C1orf198: variants seen among roughly 807,000 people sequenced by gnomAD.
C1orf198 encodes chromosome 1 open reading frame 198, also known as uncharacterized protein C1orf198.
In C1orf198, 17 loss-of-function variants were observed where a neutral mutation model predicts 31.4. That is an observed-to-expected ratio of 0.54 (90% CI 0.37 to 0.81). C1orf198 has a LOEUF of 0.81. Among genes scored for constraint, C1orf198 ranks in the 40% least tolerant of loss-of-function variants. The pLI, the probability that C1orf198 is intolerant of heterozygous loss-of-function variation, is 0.00. For missense variants in C1orf198, 401 were observed against 450.3 expected (o/e 0.89, Z 0.99); for synonymous variants, 175 against 193.8 (o/e 0.90, Z 0.81).
Position 230,843,376 on chromosome 1 carries a change from A to G in C1orf198, c.905T>C (p.Phe302Ser). 5 of 1,557,190 alleles carry G rather than the reference A, an allele frequency of 3.2e-6. No individual in the cohort carries two copies. The highest frequency in any genetic ancestry group is 4.3e-6 in the Non-Finnish European group (5 of 1,150,028). ...VRQDDGEDTL[F>S]SEPKFAQVSS... ...CACCTGTGCAAACTTGGGTTCCGAGAACAGGGTGTCTTCCCCATCGTCCTG... is the reference window on the plus strand; with the variant it reads ...CACCTGTGCAAACTTGGGTTCCGAGGACAGGGTGTCTTCCCCATCGTCCTG... The change falls in exon 3 of 4, where the codon TTC becomes TCC. Residue 302 changes from phenylalanine to serine, a missense_variant. Phe to Ser is a radical substitution (Grantham distance 155). Coordinates refer to ENST00000366663, the MANE Select transcript of C1orf198 (RefSeq NM_032800.3). The surrounding 1 kb of genome is among the most constrained non-coding windows in gnomAD (Gnocchi z 4.9).
intron 2 of C1orf198, among the ~76,000 whole-genome samples, chr1:230,850,213 G>T (rs1266752553): frequency 6.6e-6 from 1 of 152,212 alleles, no homozygotes; most frequent in South Asian, 2.1e-4. Flanking sequence ...ACGGTAACAG[G>T]GAAGAGGGTA....
chr1:230,862,683 A>G (rs542394864), intron 1 of C1orf198, among the ~76,000 whole-genome samples: 1 of 152,338 alleles, frequency 6.6e-6, no homozygotes, highest in East Asian at 1.9e-4. Context: ...GACAGTTAAA[A>G]TATCGTTGGT....
intron 2 of C1orf198, among the ~76,000 whole-genome samples, chr1:230,852,815 G>A (rs1392531342): frequency 6.6e-6 from 1 of 152,198 alleles, no homozygotes; most frequent in Non-Finnish European, 1.5e-5. Flanking sequence ...TAAAATGGGT[G>A]CAAACTCTCT....
rs1410737508 is a variant in C1orf198 at position 230,837,950 on chromosome 1, G to A, written c.*1902C>T. On this transcript the variant is annotated 3_prime_UTR_variant, in exon 4 of 4. Transcript: ENST00000366663. ...AATTAGAATTTCTCCCAATAGAAGA[G>A]GCAGATCACCTTGGCCTACTCTCTA... 6.6e-6 allele frequency: 1 copy of A among 152,212 alleles called. No homozygotes were observed. The highest frequency in any genetic ancestry group is 2.1e-4 in the South Asian group (1 of 4,832). 9.4% of individuals were successfully genotyped at this position (152,212 alleles called of 1,614,324 possible).
intron 2 of C1orf198, among the ~76,000 whole-genome samples, chr1:230,852,454 G>A (rs1311962517): frequency 6.6e-6 from 1 of 152,222 alleles, no homozygotes; most frequent in Non-Finnish European, 1.5e-5. Context: ...TGCAAGATGA[G>A]TTCTGGAGGT....
chr1:230,866,816 G>T (rs191729235), intron 1 of C1orf198, among the ~76,000 whole-genome samples: 1 of 152,106 alleles, frequency 6.6e-6, no homozygotes, highest in African/African-American at 2.4e-5. Flanking sequence ...TCAGCTCTAG[G>T]AATACATTTT....
At chr1:230,869,571 G>A (rs1204563863), upstream of C1orf198, 1 of 152,208 alleles carries the variant, frequency 6.6e-6, no homozygotes, top group African/African-American at 2.4e-5. Context: ...TCTTTGCCTG[G>A]ATAGTTCTGA....
rs375958334 is a variant in C1orf198 at position 230,839,831 on chromosome 1, A to G, written c.*21T>C. 22 of 1,605,452 alleles carry G rather than the reference A, an allele frequency of 1.4e-5. No homozygotes were observed. In the African/African-American group the frequency reaches 1.7e-4, roughly 13 times the overall value. ...TTTGGAAAACATTTTAGGGTTCTTC[A>G]TTGTATTTTTCTAATACATTTTACC... is the stretch of plus-strand genomic sequence containing the variant. On this transcript the variant is annotated 3_prime_UTR_variant, in exon 4 of 4. Coordinates refer to ENST00000366663, the MANE Select transcript of C1orf198 (RefSeq NM_032800.3).
chr1:230,853,145 G>A (rs918235327), intron 2 of C1orf198, among the ~76,000 whole-genome samples: 4 of 152,180 alleles, frequency 2.6e-5, no homozygotes, highest in Non-Finnish European at 4.4e-5. Context: ...CAAGGCCAAC[G>A]GAAGAACAGT....
chr1:230,851,288 G>T (rs1365333265), intron 2 of C1orf198, among the ~76,000 whole-genome samples: 1 of 152,154 alleles, frequency 6.6e-6, no homozygotes, highest in African/African-American at 2.4e-5. Context: ...GAAGCAGCCA[G>T]ACAGCTTGGG....
intron 3 of C1orf198, among the ~76,000 whole-genome samples, chr1:230,841,139 C>T (rs1331454534): frequency 1.3e-5 from 2 of 152,168 alleles, no homozygotes; most frequent in African/African-American, 4.8e-5. Context: ...GGAACTGAGC[C>T]TGTCTGTAAG....
chr1:230,860,427 T>C (rs569463563), intron 1 of C1orf198, among the ~76,000 whole-genome samples: 1 of 152,338 alleles, frequency 6.6e-6, no homozygotes, highest in Admixed American at 6.5e-5. Flanking sequence ...AGCTGTGCCA[T>C]TCACAATAGC....
chr1:230,849,718 C>G (rs996852414), intron 2 of C1orf198, among the ~76,000 whole-genome samples: 1 of 152,220 alleles, frequency 6.6e-6, no homozygotes, highest in African/African-American at 2.4e-5. Flanking sequence ...GGCTTGGCAG[C>G]CTCGGACAGA....
chr1:230,867,975 GGC>G (rs1234288763), intron 1 of C1orf198, among the ~76,000 whole-genome samples: 2 of 151,392 alleles, frequency 1.3e-5, no homozygotes, highest in Admixed American at 1.3e-4. Flanking sequence ...CCCACCTCTC[GGC>G]GATCTCTTAA....
rs777973083 is a variant in C1orf198, at chr1:230,868,193, C to T, written c.320G>A (p.Arg107His). The change falls in exon 1 of 4, where the codon CGC becomes CAC. Residue 107 changes from arginine (R) to histidine (H), a missense_variant. Arg to His is a conservative substitution (Grantham distance 29). Transcript: ENST00000366663. ...LRGPTGQKVVRFGDEDLTWQD... is the reference protein window; with the variant it reads ...LRGPTGQKVVHFGDEDLTWQD... The stretch of plus-strand genomic sequence containing the variant: ...GCCCGCACCTACCTCGTCCCCGAAG[C>T]GCACCACCTTCTGGCCCGTGGGCCC... 1.3e-4 allele frequency: 200 copies of T among 1,516,426 alleles called. No homozygotes were observed. Among genetic ancestry groups the T allele is most frequent in the Middle Eastern group, 9.4e-4 (5 of 5,314 alleles). 93.9% of individuals were successfully genotyped at this position (1,516,426 alleles called of 1,614,324 possible).
chr1:230,856,193 G>C (rs1034036541), intron 1 of C1orf198: 1 of 167,128 alleles, frequency 6.0e-6, no homozygotes, highest in African/African-American at 2.4e-5. Context: ...GGAAAAGAAC[G>C]CCAAGCCATA....
In C1orf198 at chr1:230,866,491, C is replaced by T. The variant is rs75342752; in HGVS notation, c.333+1689G>A. On this transcript the variant is annotated intron_variant, in intron 1 of 3. Transcript: ENST00000366663. ...TGAGTTTACAAATTCAGAAACGGCTCAGTCTGGCACCAGATGAGGAATGAG... is the reference window on the plus strand; with the variant it reads ...TGAGTTTACAAATTCAGAAACGGCTTAGTCTGGCACCAGATGAGGAATGAG... Among the ~76,000 whole-genome samples the T allele has an allele frequency of 8.1e-3, 1,233 of 152,292 alleles. 18 individuals are homozygous for T. The highest frequency in any genetic ancestry group is 0.072 in the East Asian group (374 of 5,184).
At chr1:230,868,522 G>A, upstream of C1orf198, 3 of 1,316,586 alleles carry the variant, frequency 2.3e-6, no homozygotes, top group Non-Finnish European at 2.9e-6. Context: ...TGCCCGGCCT[G>A]CCCGCCGCTC....
At chr1:230,867,658 CT>C (rs1267282233) in intron 1 of C1orf198, among the ~76,000 whole-genome samples, 1 of 152,176 alleles carries the variant, frequency 6.6e-6, no homozygotes, top group African/African-American at 2.4e-5. Context: ...GGCAATTTTA[CT>C]TTCCCCATAC....
Sources: gnomAD v4.1 joint callset for allele counts (sites outside exome capture counted in the v4.1 genomes callset) on GRCh38, gnomAD v4.1.1 for gene constraint, Gnocchi (gnomAD v3.1) non-coding constraint, MANE v1.5 for transcripts, NCBI Gene and HGNC (gene_info 2026-07-23, HGNC 2026-07-21) for gene names.